Variants in RIMKLB observed in about 807,000 individuals in gnomAD.
RIMKLB encodes the protein ribosomal modification protein rimK like family member B, also known as beta-citrylglutamate synthase B.
In RIMKLB, 7 loss-of-function variants were observed where a neutral mutation model predicts 32.0. The observed-to-expected ratio is 0.22, with a 90% CI of 0.12 to 0.41. RIMKLB has a LOEUF of 0.41. Among genes scored for constraint, RIMKLB ranks in the 10% least tolerant of loss-of-function variants. The pLI is 1.00. For synonymous variants in RIMKLB, 172 were observed against 185.1 expected (o/e 0.93, Z 0.57); for missense variants, 289 against 498.7 (o/e 0.58, Z 4.00).
chr12:8,753,647 A>G (rs373693760), intron 4 of RIMKLB, among the ~76,000 whole-genome samples: 4 of 152,216 alleles, frequency 2.6e-5, no homozygotes, highest in South Asian at 2.1e-4. Context: ...GCCTCAGCAT[A>G]TATCAAAATA....
At chr12:8,697,683 T>C, upstream of RIMKLB, 1 of 300,760 alleles carries the variant, frequency 3.3e-6, no homozygotes, top group South Asian at 2.3e-5. Flanking sequence ...CGCGCTCCCT[T>C]TTCGCTCCCC....
upstream of RIMKLB, among the ~76,000 whole-genome samples, chr12:8,677,934 A>T (rs932607214): frequency 4.3e-4 from 41 of 94,730 alleles, no homozygotes; most frequent in East Asian, 7.1e-3. Flanking sequence ...TTTTTATTAT[A>T]TTTATTTATT....
chr12:8,745,686 AC>A, intron 2 of RIMKLB, among the ~76,000 whole-genome samples: 1 of 131,564 alleles, frequency 7.6e-6, no homozygotes, highest in South Asian at 2.4e-4. Flanking sequence ...GAGCCACTGC[AC>A]CCAGCCTTTT....
rs944201520 is a variant in RIMKLB at position 8,724,104 on chromosome 12, G to A, written c.175+10063G>A. ...AAATGCTAGGTTTGTAAAGGTGTGA[G>A]CCACCACACCTGGCCATTCTTCAGT... On this transcript the variant is annotated intron_variant, in intron 2 of 5. Transcript: ENST00000535829. 3.3e-5 allele frequency among the ~76,000 whole-genome samples: 5 copies of A among 152,104 alleles called. No homozygotes were observed. In the East Asian group the frequency reaches 9.6e-4, roughly 29 times the overall value.
At chr12:8,674,308 G>A in the RIMKLB span, among the ~76,000 whole-genome samples, 35 of 135,216 alleles carry the variant, frequency 2.6e-4, no homozygotes, top group African/African-American at 9.9e-4. Flanking sequence ...GCCTGATCTC[G>A]GCTCACTGCA....
intron 5 of RIMKLB, 89 bp downstream of exon 5, chr12:8,754,182 C>T: frequency 1.1e-6 from 1 of 940,666 alleles, no homozygotes; most frequent in South Asian, 1.4e-5. Context: ...TCTAGACCTT[C>T]TTAATAAGTT....
chr12:8,725,582 C>T (rs1049764838), intron 2 of RIMKLB, among the ~76,000 whole-genome samples: 9 of 152,324 alleles, frequency 5.9e-5, no homozygotes, highest in African/African-American at 2.2e-4. Context: ...CATATGTTCT[C>T]AGCCTGCGAG....
At chr12:8,762,879 G>GA (rs1350349905) in intron 5 of RIMKLB, among the ~76,000 whole-genome samples, 29 of 152,336 alleles carry the variant, frequency 1.9e-4, no homozygotes, top group African/African-American at 7.0e-4. Context: ...GGAACCTCTA[G>GA]AAGGTCCCCT....
chr12:8,696,051 TCA>T (rs1469123314), upstream of RIMKLB, among the ~76,000 whole-genome samples: 1 of 152,192 alleles, frequency 6.6e-6, no homozygotes, highest in Non-Finnish European at 1.5e-5. Context: ...CTTCCTATCC[TCA>T]GTTTCACCAG....
intron 2 of RIMKLB, among the ~76,000 whole-genome samples, chr12:8,724,444 T>G (rs1020609012): frequency 2.6e-5 from 4 of 152,200 alleles, no homozygotes; most frequent in Admixed American, 2.6e-4. Flanking sequence ...TTTTTCTGAT[T>G]TTTTTTGTTT....
chr12:8,776,586 ATTG>A lies in RIMKLB; in HGVS notation c.*2805_*2807del, dbSNP rs748425929. ...TATTTCAAAAATGATTATTTCTGAT[ATTG>A]TTTTTATGTCACCCATGATGAAAAC... On this transcript the variant is annotated 3_prime_UTR_variant, in exon 6 of 6. Transcript: ENST00000535829. 1.9e-4 allele frequency: 160 copies of A among 834,306 alleles called. No homozygotes were observed. Among genetic ancestry groups the A allele is most frequent in the Non-Finnish European group, 2.3e-4 (157 of 692,686 alleles). The allele number at this position is 834,306 out of a possible 1,614,324, so 51.7% of individuals were successfully genotyped here. A position where few individuals can be genotyped will look rare whatever the true frequency, so the allele number is the denominator to read the frequency against.
rs749516245 is a variant in RIMKLB at position 8,710,143 on chromosome 12, C to T, written c.-56-3668C>T. Among the ~76,000 whole-genome samples the T allele has an allele frequency of 4.6e-5, 7 of 151,356 alleles. No homozygotes were observed. In the East Asian group the frequency reaches 1.2e-3, roughly 25 times the overall value. The stretch of plus-strand genomic sequence containing the variant: ...CTGGGTTTACAAGCATGCACCAACA[C>T]ACCCGGCTATTTTTTTTTTTTGTAT... On this transcript the variant is annotated intron_variant, in intron 1 of 5. Coordinates refer to ENST00000535829, the MANE Select transcript of RIMKLB (RefSeq NM_001297776.2).
At chr12:8,685,910 C>T (rs1295647811) in intron 1 of RIMKLB, among the ~76,000 whole-genome samples, 2 of 152,040 alleles carry the variant, frequency 1.3e-5, no homozygotes, top group Non-Finnish European at 2.9e-5. Flanking sequence ...CAGGTTCCAG[C>T]GATTCTCCTG....
intron 5 of RIMKLB, among the ~76,000 whole-genome samples, chr12:8,766,993 C>T (rs1950024862): frequency 6.6e-6 from 1 of 152,216 alleles, no homozygotes; most frequent in African/African-American, 2.4e-5. Flanking sequence ...TGCATTTGGC[C>T]CATCCATGGG....
chr12:8,692,084 A>G (rs1472550650), intron 1 of RIMKLB, among the ~76,000 whole-genome samples: 2 of 149,596 alleles, frequency 1.3e-5, no homozygotes, highest in Non-Finnish European at 3.0e-5. Context: ...ATATTTTCTT[A>G]TTTCATTTTT....
intron 2 of RIMKLB, among the ~76,000 whole-genome samples, chr12:8,724,281 G>A (rs1945767203): frequency 6.6e-6 from 1 of 152,032 alleles, no homozygotes; most frequent in Admixed American, 6.6e-5. Flanking sequence ...TCTCTTTGTT[G>A]AACATCTCAT....
In RIMKLB at chr12:8,770,500, C is replaced by G. The variant is rs968071440; in HGVS notation, c.698-2821C>G. On this transcript the variant is annotated intron_variant, in intron 5 of 5. Transcript: ENST00000535829. ...TATACCTATATTGCAAAGTACTCAC[C>G]ATGGTTTACTCCTCATATTCATCTT... Among the ~76,000 whole-genome samples, 5 of 152,200 alleles carry G rather than the reference C, an allele frequency of 3.3e-5. No homozygotes were observed. In the East Asian group the frequency reaches 9.6e-4, roughly 29 times the overall value.
At chr12:8,741,827 C>G (rs1352365126) in intron 2 of RIMKLB, among the ~76,000 whole-genome samples, 1 of 151,800 alleles carries the variant, frequency 6.6e-6, no homozygotes. Flanking sequence ...TCAGTTATAC[C>G]CCAGACCTCA....
At position 8,687,818 on chromosome 12, in the gene RIMKLB, AAG is replaced by A. The variant is rs1491489749; in HGVS notation, n.219+6002_219+6003del. Among the ~76,000 whole-genome samples the A allele has an allele frequency of 2.9e-5, 4 of 138,754 alleles. No individual in the cohort carries two copies. In the East Asian group the frequency reaches 7.8e-4, roughly 27 times the overall value. 91.0% of individuals were successfully genotyped at this position (138,754 alleles called of 152,430 possible). A position where few individuals can be genotyped will look rare whatever the true frequency, so the allele number is the denominator to read the frequency against. ...TTGCTAGAGCAAGTTCCAAGTCAGGAAGAAAAAAAAAAAAAAAAAAAAAGCAG... is the reference window on the plus strand; with the variant it reads ...TTGCTAGAGCAAGTTCCAAGTCAGGAAAAAAAAAAAAAAAAAAAAAAGCAG... On this transcript the variant is annotated intron_variant and non_coding_transcript_variant, in intron 1 of 1. Transcript: ENST00000538758.
Sources: allele counts gnomAD v4.1 joint callset (sites outside exome capture counted in the v4.1 genomes callset), GRCh38; gene constraint gnomAD v4.1.1; transcripts MANE v1.5; gene names NCBI Gene and HGNC (gene_info 2026-07-23, HGNC 2026-07-21).